The following FA2H variants were observed in gnomAD, a reference collection of about 807,000 sequenced individuals.
FA2H encodes fatty acid 2-hydroxylase.
FA2H carries 22 observed loss-of-function variants against 44.9 expected under a neutral mutation model. The observed-to-expected ratio is 0.49, with a 90% confidence interval of 0.35 to 0.70. FA2H has a LOEUF of 0.70. Ranked by LOEUF, FA2H falls within the 30% of genes least tolerant of loss-of-function variation. The probability of loss-of-function intolerance (pLI) is 0.01; values close to 1 mark genes in which losing one functional copy is unlikely to be tolerated. For missense variants in FA2H, 501 were observed against 504.9 expected, an observed-to-expected ratio of 0.99 and a Z score of 0.07; for synonymous variants, 243 against 213.2, an observed-to-expected ratio of 1.14 and a Z score of -1.22.
chr16:74,750,203 A>G (rs1247576725), intron 1 of FA2H, among the ~76,000 whole-genome samples: 2 of 152,218 alleles, frequency 1.3e-5, no homozygotes, highest in East Asian at 3.8e-4. Context: ...GGTTTACAGG[A>G]TGTGCATTCC....
In FA2H at chr16:74,719,000, G is replaced by A. The variant is rs1229866048; in HGVS notation, c.774C>T (p.Gly258=). 4.3e-6 allele frequency: 7 copies of A among 1,613,822 alleles called. No homozygotes were observed. The highest frequency in any genetic ancestry group is 1.1e-5 in the South Asian group (1 of 91,088). Residue 258 remains glycine (G), a synonymous_variant, in exon 5 of 7, where the codon GGC becomes GGT. Transcript: ENST00000219368. ...YLIMLHFVMH[G]QHHKAPFDGS... The stretch of plus-strand genomic sequence containing the variant: ...CCGCCCCGCTCACCTTGTGGTGCTG[G>A]CCGTGCATGACGAAGTGCAGCATGA...
At chr16:74,762,099 G>C (rs1962723446) in intron 1 of FA2H, among the ~76,000 whole-genome samples, 1 of 152,118 alleles carries the variant, frequency 6.6e-6, no homozygotes, top group Non-Finnish European at 1.5e-5. Context: ...CTGGAGTGCA[G>C]TGGCGTGATC....
chr16:74,739,511 C>T (rs1029814378), intron 2 of FA2H, among the ~76,000 whole-genome samples: 2 of 152,142 alleles, frequency 1.3e-5, no homozygotes, highest in Non-Finnish European at 2.9e-5. Context: ...CTCTTGATGC[C>T]AAAAGAGGCT....
chr16:74,740,993 G>A (rs1962284886), intron 1 of FA2H, among the ~76,000 whole-genome samples: 1 of 152,248 alleles, frequency 6.6e-6, no homozygotes, highest in Admixed American at 6.5e-5. Context: ...CACACGTGGG[G>A]TGGGATTGGC....
chr16:74,747,693 C>T (rs1238216281), intron 1 of FA2H, among the ~76,000 whole-genome samples: 6 of 152,090 alleles, frequency 3.9e-5, no homozygotes, highest in Non-Finnish European at 7.4e-5. Flanking sequence ...CTGGCAGCCC[C>T]CAGCAGCTCA....
At chr16:74,761,804 A>G (rs1962717124) in intron 1 of FA2H, among the ~76,000 whole-genome samples, 1 of 152,210 alleles carries the variant, frequency 6.6e-6, no homozygotes, top group South Asian at 2.1e-4. Flanking sequence ...AAAAATAGAA[A>G]ACTTCATGAA....
intron 1 of FA2H, among the ~76,000 whole-genome samples, chr16:74,752,375 C>G (rs1163417272): frequency 2.0e-5 from 3 of 152,080 alleles, no homozygotes; most frequent in East Asian, 1.9e-4. Context: ...TGAGCCCCAC[C>G]AAGTAGGGCT....
chr16:74,726,156 C>T (rs886453751), intron 4 of FA2H, 69 bp downstream of exon 4: 2 of 1,062,684 alleles, frequency 1.9e-6, no homozygotes, highest in Non-Finnish European at 2.9e-6. Flanking sequence ...AAACTCTGGG[C>T]CAGGGAAAGC....
chr16:74,730,088 T>C (rs756682064), intron 2 of FA2H, among the ~76,000 whole-genome samples: 4 of 152,128 alleles, frequency 2.6e-5, no homozygotes, highest in Non-Finnish European at 4.4e-5. Flanking sequence ...CAGCGGGTCT[T>C]CCAGGAACTA....
At chr16:74,744,869 A>G (rs1962386353) in intron 1 of FA2H, among the ~76,000 whole-genome samples, 1 of 152,156 alleles carries the variant, frequency 6.6e-6, no homozygotes. Flanking sequence ...TACAGGTGTG[A>G]ACCACCACGC....
chr16:74,764,222 A>G (rs1442486365), intron 1 of FA2H, among the ~76,000 whole-genome samples: 3 of 152,182 alleles, frequency 2.0e-5, no homozygotes, highest in Non-Finnish European at 4.4e-5. Flanking sequence ...TACTGGGTAT[A>G]TACCCAGAGG....
intron 1 of FA2H, among the ~76,000 whole-genome samples, chr16:74,770,787 T>G (rs1185137947): frequency 6.6e-6 from 1 of 152,260 alleles, no homozygotes; most frequent in Admixed American, 6.5e-5. Flanking sequence ...AAGTTTGGGC[T>G]ATGCGTCTGC....
intron 2 of FA2H, 47 bp from the exon 3 acceptor site, chr16:74,727,433 A>T: frequency 6.3e-7 from 1 of 1,599,578 alleles, no homozygotes; most frequent in Non-Finnish European, 8.6e-7. Flanking sequence ...ACGTCTTCCC[A>T]TATTCGTTCT....
chr16:74,735,563 TCTGCCCTTAGGG>T (rs1480907261), intron 2 of FA2H, among the ~76,000 whole-genome samples: 1 of 152,152 alleles, frequency 6.6e-6, no homozygotes, highest in Non-Finnish European at 1.5e-5. Context: ...AGGCATGACC[TCTGCCCTTAGGG>T]CTGAAGACGA....
intron 1 of FA2H, among the ~76,000 whole-genome samples, chr16:74,751,334 G>A (rs1962522718): frequency 6.6e-6 from 1 of 152,068 alleles, no homozygotes; most frequent in Non-Finnish European, 1.5e-5. Context: ...GACCTCAGGC[G>A]ACCCACCCGC....
At chr16:74,766,710 A>G (rs1258596643) in intron 1 of FA2H, among the ~76,000 whole-genome samples, 1 of 152,088 alleles carries the variant, frequency 6.6e-6, no homozygotes, top group Non-Finnish European at 1.5e-5. Context: ...GTTACTCCCC[A>G]TTTTCTCCCT....
At chr16:74,723,899 A>G (rs1006913847) in intron 4 of FA2H, among the ~76,000 whole-genome samples, 3 of 151,728 alleles carry the variant, frequency 2.0e-5, no homozygotes, top group African/African-American at 7.3e-5. Flanking sequence ...TAATAATATT[A>G]ATATTATATT....
Position 74,713,757 on chromosome 16 carries a change from G to C in FA2H, c.*433C>G, listed in dbSNP as rs1400182775. 5.5e-6 allele frequency: 1 copy of C among 182,086 alleles called. No individual in the cohort carries two copies. The highest frequency in any genetic ancestry group is 2.3e-5 in the African/African-American group (1 of 42,722). 11.3% of individuals were successfully genotyped at this position (182,086 alleles called of 1,614,324 possible). A position where few individuals can be genotyped will look rare whatever the true frequency, so the allele number is the denominator to read the frequency against. On this transcript the variant is annotated 3_prime_UTR_variant, in exon 7 of 7. Transcript: ENST00000219368. ...GACAGCAGGGAGGACAGGGACCACAGATCCCACAGACCCACTTCTGACTGT... is the reference window on the plus strand; with the variant it reads ...GACAGCAGGGAGGACAGGGACCACACATCCCACAGACCCACTTCTGACTGT...
At chr16:74,715,800 TTTC>T (rs754616483) in intron 6 of FA2H, among the ~76,000 whole-genome samples, 25 of 150,866 alleles carry the variant, frequency 1.7e-4, no homozygotes, top group Middle Eastern at 3.4e-3. Context: ...CTTGCTTTAC[TTTC>T]TTCTTCTTCT....
Sources: gnomAD v4.1 joint callset for allele counts (sites outside exome capture counted in the v4.1 genomes callset) on GRCh38, gnomAD v4.1.1 for gene constraint, MANE v1.5 for transcripts, NCBI Gene and HGNC (gene_info 2026-07-23, HGNC 2026-07-21) for gene names.